SEMA5A: variants seen among roughly 807,000 people sequenced by gnomAD.
The protein encoded by SEMA5A is semaphorin 5A.
A neutral mutation model predicts 135.5 loss-of-function variants in SEMA5A; 55 were observed. The observed-to-expected ratio is 0.41, with a 90% confidence interval of 0.33 to 0.51. SEMA5A has a LOEUF of 0.51. Among genes scored for constraint, SEMA5A ranks in the 20% least tolerant of loss-of-function variants. The pLI, the probability that SEMA5A is intolerant of heterozygous loss-of-function variation, is 0.37. For missense variants in SEMA5A, 1,290 were observed against 1,419.9 expected (o/e 0.91, Z 1.47); for synonymous variants, 580 against 546.5 (o/e 1.06, Z -0.85).
At chr5:9,400,161 G>C (rs1756589504) in intron 2 of SEMA5A, among the ~76,000 whole-genome samples, 1 of 152,114 alleles carries the variant, frequency 6.6e-6, no homozygotes, top group Admixed American at 6.5e-5. Flanking sequence ...CCTGTCGCAG[G>C]GTTGGAGGCG....
chr5:9,199,540 G>A (rs10513011), intron 9 of SEMA5A, among the ~76,000 whole-genome samples: 10,435 of 152,272 alleles, frequency 0.069, 394 homozygotes, highest in Middle Eastern at 0.095. Context: ...CCTTGAGAAT[G>A]AGAAGGCTTA....
Position 9,230,870 on chromosome 5 carries a change from G to A in SEMA5A, c.334-3903C>T, listed in dbSNP as rs111926924. The stretch of plus-strand genomic sequence containing the variant: ...CAGGAGCAACGAGTGGAGGTGGGTG[G>A]TATTCGAGTTTCTTCTTAACTGTCA... On this transcript the variant is annotated intron_variant, in intron 6 of 22. Transcript: ENST00000382496. 6.6e-3 allele frequency among the ~76,000 whole-genome samples: 1,007 copies of A among 152,202 alleles called. 11 individuals are homozygous for A. Among genetic ancestry groups the A allele is most frequent in the African/African-American group, 0.023 (965 of 41,514 alleles).
At chr5:9,251,955 G>A (rs1748817051) in intron 5 of SEMA5A, among the ~76,000 whole-genome samples, 1 of 152,142 alleles carries the variant, frequency 6.6e-6, no homozygotes, top group Admixed American at 6.5e-5. Flanking sequence ...AAAGATTACT[G>A]AGCTTTTAAA....
intron 4 of SEMA5A, among the ~76,000 whole-genome samples, chr5:9,324,177 T>C (rs1036297580): frequency 1.3e-5 from 2 of 152,106 alleles, no homozygotes; most frequent in Admixed American, 1.3e-4. Context: ...CACGCCATTC[T>C]CCTGCCTCAG....
At chr5:9,135,724 C>T (rs527639913) in intron 13 of SEMA5A, among the ~76,000 whole-genome samples, 1 of 152,018 alleles carries the variant, frequency 6.6e-6, no homozygotes, top group Non-Finnish European at 1.5e-5. Context: ...ATGACTTTTC[C>T]ATTATATGGA....
chr5:9,243,895 C>T (rs1748342083), intron 5 of SEMA5A, among the ~76,000 whole-genome samples: 1 of 152,096 alleles, frequency 6.6e-6, no homozygotes, highest in East Asian at 1.9e-4. Context: ...GTTTTCCACC[C>T]CGTAATTTAG....
intron 1 of SEMA5A, among the ~76,000 whole-genome samples, chr5:9,440,045 C>A (rs1419507300): frequency 6.6e-6 from 1 of 152,262 alleles, no homozygotes; most frequent in Non-Finnish European, 1.5e-5. Flanking sequence ...TCCTGAGGGT[C>A]AGCCCTTGCC....
At chr5:9,068,736 T>C (rs1737612051) in intron 16 of SEMA5A, among the ~76,000 whole-genome samples, 1 of 151,928 alleles carries the variant, frequency 6.6e-6, no homozygotes, top group Non-Finnish European at 1.5e-5. Flanking sequence ...CTCTGAGGGG[T>C]CTCTGGTGTG....
At chr5:9,061,439 T>C (rs1253201779) in intron 18 of SEMA5A, among the ~76,000 whole-genome samples, 3 of 151,968 alleles carry the variant, frequency 2.0e-5, no homozygotes, top group Non-Finnish European at 4.4e-5. Context: ...CCTGTCCTCA[T>C]GGAGCTTCAG....
At chr5:9,232,430 C>CTAAAT (rs1747680445) in intron 6 of SEMA5A, among the ~76,000 whole-genome samples, 1 of 152,010 alleles carries the variant, frequency 6.6e-6, no homozygotes, top group Non-Finnish European at 1.5e-5. Flanking sequence ...AAAGTTGAAC[C>CTAAAT]CACATCAACC....
chr5:9,331,536 A>C (rs529466571), intron 4 of SEMA5A, among the ~76,000 whole-genome samples: 1 of 152,214 alleles, frequency 6.6e-6, no homozygotes, highest in African/African-American at 2.4e-5. Context: ...AACCCTAACT[A>C]AAGTCTAACT....
intron 3 of SEMA5A, among the ~76,000 whole-genome samples, chr5:9,356,991 T>A (rs1205718): frequency 6.6e-6 from 1 of 152,000 alleles, no homozygotes; most frequent in Non-Finnish European, 1.5e-5. Flanking sequence ...AATTACCAGC[T>A]TGCAAGACAT....
chr5:9,321,663 C>T (rs1752632019), intron 4 of SEMA5A, among the ~76,000 whole-genome samples: 1 of 152,110 alleles, frequency 6.6e-6, no homozygotes, highest in Non-Finnish European at 1.5e-5. Flanking sequence ...TTAATGGTGC[C>T]AACTTCTATG....
intron 3 of SEMA5A, among the ~76,000 whole-genome samples, chr5:9,338,227 C>A (rs1278656834): frequency 6.6e-6 from 1 of 152,184 alleles, no homozygotes; most frequent in African/African-American, 2.4e-5. Context: ...TCCTTAGGAG[C>A]AAGGACCAAG....
intron 16 of SEMA5A, among the ~76,000 whole-genome samples, chr5:9,083,187 T>C (rs1484209325): frequency 6.6e-6 from 1 of 152,220 alleles, no homozygotes; most frequent in Non-Finnish European, 1.5e-5. Context: ...TTGGAACTCT[T>C]GGGTGTTTTC....
intron 5 of SEMA5A, among the ~76,000 whole-genome samples, chr5:9,274,619 A>G (rs1195485390): frequency 1.3e-5 from 2 of 152,230 alleles, no homozygotes; most frequent in Non-Finnish European, 2.9e-5. Flanking sequence ...AATGGAAATC[A>G]TAAAAAACTG....
chr5:9,404,301 C>T (rs1352938544), intron 2 of SEMA5A, among the ~76,000 whole-genome samples: 1 of 152,084 alleles, frequency 6.6e-6, no homozygotes, highest in Non-Finnish European at 1.5e-5. Flanking sequence ...AAATCTACAG[C>T]TGTCATATTT....
At chr5:9,240,023 A>G (rs1348722250) in intron 5 of SEMA5A, among the ~76,000 whole-genome samples, 1 of 152,074 alleles carries the variant, frequency 6.6e-6, no homozygotes, top group Non-Finnish European at 1.5e-5. Context: ...TGCATTTTCA[A>G]GATAAATATT....
chr5:9,101,734 T>C (rs1158108258), intron 16 of SEMA5A, among the ~76,000 whole-genome samples: 2 of 152,138 alleles, frequency 1.3e-5, no homozygotes, highest in Non-Finnish European at 2.9e-5. Context: ...GCCATACAAA[T>C]AGCCTACTAT....
Sources: gnomAD v4.1 joint callset for allele counts (sites outside exome capture counted in the v4.1 genomes callset) on GRCh38, gnomAD v4.1.1 for gene constraint, MANE v1.5 for transcripts, NCBI Gene and HGNC (gene_info 2026-07-23, HGNC 2026-07-21) for gene names.